The following NEDD4 variants were observed in gnomAD, a reference collection of about 807,000 sequenced individuals.
NEDD4 encodes E3 ubiquitin-protein ligase NEDD4.
Under a neutral mutation model 144.9 loss-of-function variants are expected in NEDD4, and 99 were observed. That is an observed-to-expected ratio of 0.68 (90% confidence interval 0.58 to 0.81). NEDD4 has a LOEUF of 0.81. NEDD4 is among the 30% of genes least tolerant of loss of function. The pLI, the probability that NEDD4 is intolerant of heterozygous loss-of-function variation, is 0.00. For synonymous variants in NEDD4, 318 were observed against 350.6 expected, an observed-to-expected ratio of 0.91 and a Z score of 1.04; for missense variants, 985 against 1,065.9, an observed-to-expected ratio of 0.92 and a Z score of 1.06.
intron 1 of NEDD4, among the ~76,000 whole-genome samples, chr15:55,967,507 C>T (rs1433120289): frequency 4.1e-5 from 6 of 147,410 alleles, no homozygotes; most frequent in South Asian, 4.3e-4. Context: ...GGGGAATAAG[C>T]GAAACGTTAC....
intron 6 of NEDD4, among the ~76,000 whole-genome samples, chr15:55,872,971 A>G (rs2142067253): frequency 6.6e-6 from 1 of 151,940 alleles, no homozygotes; most frequent in African/African-American, 2.4e-5. Flanking sequence ...GCCAATTAAT[A>G]TAACTCACAA....
At chr15:55,845,816 C>T (rs1480000698) in intron 18 of NEDD4, among the ~76,000 whole-genome samples, 2 of 133,210 alleles carry the variant, frequency 1.5e-5, no homozygotes, top group Admixed American at 8.0e-5. Flanking sequence ...TTTTTTGAGA[C>T]ACTCTGTTGC....
intron 1 of NEDD4, among the ~76,000 whole-genome samples, chr15:55,983,709 C>A (rs1164891847): frequency 6.6e-6 from 1 of 151,168 alleles, no homozygotes; most frequent in East Asian, 1.9e-4. Context: ...CCTCCCGATT[C>A]AAACAATTTT....
At chr15:55,865,197 C>CAAAAA (rs34140490) in intron 8 of NEDD4, among the ~76,000 whole-genome samples, 2 of 84,952 alleles carry the variant, frequency 2.4e-5, no homozygotes, top group Non-Finnish European at 4.3e-5. Context: ...GACTCTGTCT[C>CAAAAA]AAAAAAAAAA....
chr15:55,858,015 T>C (rs1255088454), intron 11 of NEDD4, among the ~76,000 whole-genome samples: 1 of 152,176 alleles, frequency 6.6e-6, no homozygotes, highest in Non-Finnish European at 1.5e-5. Flanking sequence ...AAGTTATTAG[T>C]TTCCTGTTTA....
At position 55,827,916 on chromosome 15, in the gene NEDD4, G is replaced by A. The variant is rs545273218; in HGVS notation, c.*1981C>T. The A allele has an allele frequency of 4.6e-5, 7 of 152,112 alleles. No homozygotes were observed. Among genetic ancestry groups the A allele is most frequent in the Non-Finnish European group, 1.0e-4 (7 of 68,028 alleles). The allele number at this position is 152,112 out of a possible 1,614,324, so 9.4% of individuals were successfully genotyped here. ...GTACTTTTTGCTTTCTCATCTGTCT[G>A]GAACTTCTGACAATCTGGCATGACA... On this transcript the variant is annotated 3_prime_UTR_variant, in exon 29 of 29. Transcript: ENST00000435532.
At chr15:55,881,820 G>A (rs1185638953) in intron 5 of NEDD4, among the ~76,000 whole-genome samples, 2 of 152,070 alleles carry the variant, frequency 1.3e-5, no homozygotes, top group African/African-American at 4.8e-5. Flanking sequence ...CTCAGCTTGG[G>A]CACTACTGAC....
chr15:55,918,996 C>T (rs1475921489), intron 5 of NEDD4, among the ~76,000 whole-genome samples: 3 of 152,038 alleles, frequency 2.0e-5, no homozygotes, highest in African/African-American at 4.8e-5. Context: ...CCTAAAACTT[C>T]CAGGAAATAA....
In NEDD4 at chr15:55,980,562, G is replaced by C. The variant is rs185471758; in HGVS notation, c.45+12949C>G. Reference sequence around the variant, plus strand: ...CAGAGGATGTAAGCCACCAAACAAAGGAATAAATTTGGAAAGAAGAAAACA... The same window carrying C: ...CAGAGGATGTAAGCCACCAAACAAACGAATAAATTTGGAAAGAAGAAAACA... On this transcript the variant is annotated intron_variant, in intron 1 of 28. Coordinates refer to ENST00000435532, the MANE Select transcript of NEDD4 (RefSeq NM_006154.4). Among the ~76,000 whole-genome samples, 3 of 152,176 alleles carry C rather than the reference G, an allele frequency of 2.0e-5. No homozygotes were observed. In the East Asian group the frequency reaches 5.8e-4, roughly 29 times the overall value.
chr15:55,841,174 C>T (rs558538783), intron 19 of NEDD4, among the ~76,000 whole-genome samples: 1 of 152,196 alleles, frequency 6.6e-6, no homozygotes, highest in African/African-American at 2.4e-5. Context: ...CATTGTGATC[C>T]ACCAGCCTTG....
chr15:55,871,458 A>C (rs141782603), intron 7 of NEDD4, among the ~76,000 whole-genome samples: 8 of 152,340 alleles, frequency 5.3e-5, no homozygotes, highest in African/African-American at 1.9e-4. Flanking sequence ...CATGTGACAA[A>C]TTGAAAAGCA....
In NEDD4 at chr15:55,920,723, C is replaced by T. The variant is rs535905409; in HGVS notation, c.291+3923G>A. 3.7e-4 allele frequency among the ~76,000 whole-genome samples: 56 copies of T among 152,266 alleles called. No individual in the cohort carries two copies. The East Asian group carries it at 9.8e-3, about 27-fold the overall frequency. ...TACATTTTAAATTTAGTTGTGAGTG[C>T]CTCAGCAGAATAAAGACGGAATGAC... is the stretch of plus-strand genomic sequence containing the variant. On this transcript the variant is annotated intron_variant, in intron 5 of 28. Coordinates refer to ENST00000435532, the MANE Select transcript of NEDD4 (RefSeq NM_006154.4).
intron 27 of NEDD4, among the ~76,000 whole-genome samples, chr15:55,831,072 A>G (rs1418354540): frequency 6.6e-6 from 1 of 151,986 alleles, no homozygotes; most frequent in African/African-American, 2.4e-5. Context: ...GGAGTGTGCC[A>G]CCACACCCAG....
chr15:55,901,912 A>G (rs986445927), intron 5 of NEDD4, among the ~76,000 whole-genome samples: 3 of 152,106 alleles, frequency 2.0e-5, no homozygotes, highest in African/African-American at 7.2e-5. Flanking sequence ...TGTTTCATAA[A>G]TTTTATATTA....
intron 24 of NEDD4, among the ~76,000 whole-genome samples, chr15:55,837,152 G>A (rs780803819): frequency 2.8e-4 from 43 of 152,252 alleles, no homozygotes; most frequent in Non-Finnish European, 4.7e-4. Flanking sequence ...AAAGTAGGCC[G>A]AGCACGGTGG....
intron 5 of NEDD4, among the ~76,000 whole-genome samples, chr15:55,886,238 A>G (rs1031888402): frequency 9.9e-5 from 15 of 152,224 alleles, no homozygotes; most frequent in Non-Finnish European, 2.1e-4. Context: ...ACAGACCCCA[A>G]TACAATTATA....
intron 1 of NEDD4, among the ~76,000 whole-genome samples, chr15:55,968,093 T>C (rs1281902045): frequency 6.6e-6 from 1 of 152,190 alleles, no homozygotes; most frequent in Admixed American, 6.6e-5. Flanking sequence ...TTAATATTAT[T>C]ATCTTTTTTC....
chr15:55,837,662 A>G lies in NEDD4; in HGVS notation c.2262+127T>C. ...TGGAATATTTAGTTAATATAAAAAT[A>G]TAATTTAGAATGATTTCACAAAACA... On this transcript the variant is annotated intron_variant, in intron 24 of 28. Transcript: ENST00000435532. The G allele has an allele frequency of 8.9e-6, 5 of 562,510 alleles. No homozygotes were observed. In the South Asian group the frequency reaches 1.3e-4, roughly 14 times the overall value. The allele number at this position is 562,510 out of a possible 1,614,324, so 34.8% of individuals were successfully genotyped here.
At chr15:55,840,578 T>C (rs778425200) in intron 20 of NEDD4, 28 bp downstream of exon 20, 19 of 1,613,526 alleles carry the variant, frequency 1.2e-5, no homozygotes, top group Non-Finnish European at 1.4e-5. Flanking sequence ...GGTAATTATA[T>C]TGTAAAAAGT....
Sources: gnomAD v4.1 joint callset for allele counts (sites outside exome capture counted in the v4.1 genomes callset) on GRCh38, gnomAD v4.1.1 for gene constraint, MANE v1.5 for transcripts, NCBI Gene and HGNC (gene_info 2026-07-23, HGNC 2026-07-21) for gene names.